The following CNTN4 variants were observed in gnomAD, a reference collection of about 807,000 sequenced individuals.
CNTN4 encodes contactin-4.
A neutral mutation model predicts 122.5 loss-of-function variants in CNTN4; 77 were observed. The ratio of observed to expected loss-of-function variants is 0.63; its 90% CI spans 0.52 to 0.76. The LOEUF (loss-of-function observed/expected upper bound fraction) is 0.76. CNTN4 is among the 30% of genes least tolerant of loss of function. The pLI, the probability that CNTN4 is intolerant of heterozygous loss-of-function variation, is 0.00. For synonymous variants in CNTN4, 512 were observed against 447.0 expected (o/e 1.15, Z -1.83); for missense variants, 1,256 against 1,259.1 (o/e 1.00, Z 0.04).
chr3:2,944,277 G>A (rs1279012291), intron 13 of CNTN4, among the ~76,000 whole-genome samples: 1 of 151,776 alleles, frequency 6.6e-6, no homozygotes, highest in African/African-American at 2.4e-5. Context: ...GATAACTAGA[G>A]CATAAATTTT....
intron 2 of CNTN4, among the ~76,000 whole-genome samples, chr3:2,330,133 G>A (rs2043657773): frequency 3.9e-5 from 6 of 152,198 alleles, no homozygotes; most frequent in Admixed American, 2.6e-4. Context: ...CCATTTGCTA[G>A]AGTGGCTCAC....
intron 4 of CNTN4, among the ~76,000 whole-genome samples, chr3:2,712,422 C>A (rs2087206338): frequency 6.6e-6 from 1 of 152,146 alleles, no homozygotes; most frequent in South Asian, 2.1e-4. Context: ...GAAAAGGTAA[C>A]ATCTTTTTCT....
At chr3:2,218,115 T>A (rs974555952) in intron 2 of CNTN4, among the ~76,000 whole-genome samples, 2 of 152,128 alleles carry the variant, frequency 1.3e-5, no homozygotes, top group African/African-American at 4.8e-5. Context: ...ATGTGAAGAA[T>A]GTATACAGGC....
At chr3:2,107,198 T>C (rs565193940) in intron 2 of CNTN4, among the ~76,000 whole-genome samples, 2 of 152,186 alleles carry the variant, frequency 1.3e-5, no homozygotes, top group Non-Finnish European at 2.9e-5. Context: ...AATTACAAAG[T>C]TGCTTCCACA....
chr3:2,783,133 T>A (rs928302232), intron 6 of CNTN4, among the ~76,000 whole-genome samples: 6 of 148,706 alleles, frequency 4.0e-5, no homozygotes, highest in East Asian at 2.0e-4. Context: ...TTTTTTTTTT[T>A]AAATTAGCAG....
chr3:2,470,155 T>TC (rs1462894267), intron 3 of CNTN4, among the ~76,000 whole-genome samples: 68 of 152,040 alleles, frequency 4.5e-4, no homozygotes, highest in Middle Eastern at 3.4e-3. Flanking sequence ...AACCTCTGCC[T>TC]CCCAGGTTCA....
chr3:2,223,909 A>C (rs975654993), intron 2 of CNTN4, among the ~76,000 whole-genome samples: 1 of 152,152 alleles, frequency 6.6e-6, no homozygotes, highest in Non-Finnish European at 1.5e-5. Context: ...ATTGAAGCTT[A>C]TGTAGCGTCC....
chr3:2,763,700 G>A (rs2090704582), intron 6 of CNTN4, among the ~76,000 whole-genome samples: 1 of 152,132 alleles, frequency 6.6e-6, no homozygotes, highest in Admixed American at 6.5e-5. Context: ...TTCTGCATAT[G>A]GCTAGCCAGT....
chr3:2,368,249 G>A (rs1346050589), intron 3 of CNTN4, among the ~76,000 whole-genome samples: 1 of 151,412 alleles, frequency 6.6e-6, no homozygotes, highest in Non-Finnish European at 1.5e-5. Flanking sequence ...AGCCAGGATG[G>A]TCTCGATCTC....
At chr3:2,535,984 G>T (rs773459007) in intron 3 of CNTN4, among the ~76,000 whole-genome samples, 1 of 152,056 alleles carries the variant, frequency 6.6e-6, no homozygotes, top group Admixed American at 6.6e-5. Flanking sequence ...CAAGCCCACC[G>T]TTTTGCTATT....
chr3:2,514,603 A>G (rs866458086), intron 3 of CNTN4, among the ~76,000 whole-genome samples: 2 of 152,176 alleles, frequency 1.3e-5, no homozygotes, highest in Admixed American at 6.5e-5. Flanking sequence ...GGTTATCTCT[A>G]GTAACAGTGA....
chr3:2,386,123 A>G (rs1426172327), intron 3 of CNTN4, among the ~76,000 whole-genome samples: 1 of 152,034 alleles, frequency 6.6e-6, no homozygotes, highest in East Asian at 1.9e-4. Flanking sequence ...GTAAGGGCCT[A>G]TATATTATTT....
At chr3:2,101,050 A>T (rs900662229) in intron 2 of CNTN4, among the ~76,000 whole-genome samples, 2 of 152,188 alleles carry the variant, frequency 1.3e-5, no homozygotes, top group African/African-American at 4.8e-5. Flanking sequence ...GAGTTGTAAA[A>T]CTTTTCAAGT....
intron 4 of CNTN4, among the ~76,000 whole-genome samples, chr3:2,618,468 T>C (rs1179358388): frequency 6.6e-6 from 1 of 152,166 alleles, no homozygotes; most frequent in Non-Finnish European, 1.5e-5. Context: ...TTCTATAAGA[T>C]TGTTGTAAAA....
chr3:2,593,364 C>T (rs1197758473), intron 4 of CNTN4, among the ~76,000 whole-genome samples: 7 of 152,254 alleles, frequency 4.6e-5, no homozygotes, highest in East Asian at 3.9e-4. Flanking sequence ...TGTTAACCTT[C>T]GCAATTATCG....
chr3:2,916,080 G>A (rs1010067531), intron 12 of CNTN4, among the ~76,000 whole-genome samples: 2 of 152,182 alleles, frequency 1.3e-5, no homozygotes, highest in African/African-American at 4.8e-5. Context: ...GTTGCAAAAC[G>A]AAAACATTCT....
intron 2 of CNTN4, among the ~76,000 whole-genome samples, chr3:2,213,694 CT>C (rs1452764217): frequency 2.0e-5 from 3 of 152,164 alleles, no homozygotes; most frequent in Admixed American, 1.3e-4. Flanking sequence ...CAAAAGTCAG[CT>C]TTCCCCCTGA....
In CNTN4 at chr3:2,182,990, A is replaced by G. The variant is rs887988673; in HGVS notation, c.-145+82351A>G. The stretch of plus-strand genomic sequence containing the variant: ...ATGCTGGATGAAAAGAACTATATCC[A>G]TATGGTAGGAAGATAAAATTTTAGC... On this transcript the variant is annotated intron_variant, in intron 2 of 24. Transcript: ENST00000418658. 1.8e-4 allele frequency among the ~76,000 whole-genome samples: 28 copies of G among 152,162 alleles called. 1 individual carries two copies. The highest frequency in any genetic ancestry group is 7.4e-5 in the Non-Finnish European group (5 of 68,016).
intron 3 of CNTN4, among the ~76,000 whole-genome samples, chr3:2,431,982 T>G (rs935806807): frequency 5.9e-5 from 9 of 152,238 alleles, no homozygotes; most frequent in African/African-American, 2.2e-4. Context: ...TCATCTATCT[T>G]ATTGAATTCA....
Sources: allele counts gnomAD v4.1 joint callset (sites outside exome capture counted in the v4.1 genomes callset), GRCh38; gene constraint gnomAD v4.1.1; transcripts MANE v1.5; gene names NCBI Gene and HGNC (gene_info 2026-07-23, HGNC 2026-07-21).